Variants in VRK2 observed in about 807,000 individuals in gnomAD.
VRK2 encodes the protein VRK serine/threonine kinase 2, also known as serine/threonine-protein kinase VRK2.
A neutral mutation model predicts 57.6 loss-of-function variants in VRK2; 60 were observed. The observed-to-expected ratio is 1.04, with a 90% CI of 0.85 to 1.29. The LOEUF is 1.29. VRK2 is among the 50% of genes most tolerant of loss of function. VRK2 has a pLI of 0.00. For missense variants in VRK2, 705 were observed against 588.1 expected, an observed-to-expected ratio of 1.20 and a Z score of -2.06; for synonymous variants, 231 against 199.2, an observed-to-expected ratio of 1.16 and a Z score of -1.35.
chr2:58,037,579 T>G (rs1197097190), intron 3 of VRK2, among the ~76,000 whole-genome samples: 1 of 152,104 alleles, frequency 6.6e-6, no homozygotes, highest in Non-Finnish European at 1.5e-5. Flanking sequence ...TTCATAAAAG[T>G]GTTTTAAAAG....
At chr2:58,061,959 C>T (rs1209095278) in intron 2 of VRK2, among the ~76,000 whole-genome samples, 3 of 151,986 alleles carry the variant, frequency 2.0e-5, no homozygotes, top group African/African-American at 4.8e-5. Context: ...TTCAGGCTTA[C>T]CTTGTCTTAT....
At chr2:58,135,263 G>T (rs1004439639) in intron 10 of VRK2, 64 bp downstream of exon 10, 3 of 1,587,822 alleles carry the variant, frequency 1.9e-6, no homozygotes, top group African/African-American at 2.7e-5. Context: ...TGTCGTTATC[G>T]TTTGGTAGCT....
At chr2:57,945,640 CA>C (rs61512539) in intron 1 of VRK2, among the ~76,000 whole-genome samples, 14,114 of 152,146 alleles carry the variant, frequency 0.093, 697 homozygotes, top group East Asian at 0.17. Flanking sequence ...ACTTTCTGCT[CA>C]AAATTGACCC....
chr2:58,127,034 T>C (rs981004700), intron 8 of VRK2, among the ~76,000 whole-genome samples: 11 of 152,120 alleles, frequency 7.2e-5, no homozygotes, highest in Non-Finnish European at 1.5e-5. Context: ...CTGTAATACC[T>C]ATCTTAATTT....
intron 7 of VRK2, among the ~76,000 whole-genome samples, chr2:58,110,497 G>A (rs1483209098): frequency 6.6e-6 from 1 of 152,114 alleles, no homozygotes; most frequent in African/African-American, 2.4e-5. Flanking sequence ...AAAAATATAT[G>A]TAGCCTCACA....
At chr2:58,151,456 T>C (rs962625594) in intron 12 of VRK2, among the ~76,000 whole-genome samples, 3 of 151,754 alleles carry the variant, frequency 2.0e-5, no homozygotes, top group African/African-American at 7.2e-5. Context: ...AATCCACTTG[T>C]GTCTTTTTAT....
rs1684822669 is a variant in VRK2, at chr2:58,159,817, T to A, written c.*124T>A. 1 of 1,611,790 alleles carries A rather than the reference T, an allele frequency of 6.2e-7. No individual in the cohort carries two copies. The highest frequency in any genetic ancestry group is 1.3e-5 in the African/African-American group (1 of 74,820). On this transcript the variant is annotated 3_prime_UTR_variant, in exon 13 of 13. Transcript: ENST00000340157. The stretch of plus-strand genomic sequence containing the variant: ...GGTAATTGGCTTTAAAAAGAGAACA[T>A]ATTTTAACAAAGTTTGTGGACACTC...
At chr2:58,004,281 T>C (rs1163905445) in intron 1 of VRK2, among the ~76,000 whole-genome samples, 2 of 152,130 alleles carry the variant, frequency 1.3e-5, no homozygotes, top group Non-Finnish European at 2.9e-5. Flanking sequence ...CTTGAAGCCA[T>C]AGAGGTACTA....
At position 58,159,558 on chromosome 2, in the gene VRK2, A is replaced by C. The variant is rs562772305; in HGVS notation, c.1392A>C (p.Leu464Phe). The C allele has an allele frequency of 6.2e-7, 1 of 1,613,864 alleles. No homozygotes were observed. Among genetic ancestry groups the C allele is most frequent in the South Asian group, 1.1e-5 (1 of 91,074 alleles). ...CAGTCAGCACGGGGATCACAGACTT[A>C]GAAAGTTCAACTGGACTTTGGCCTA... ...TSTVSTGITD[L>F]ESSTGLWPTI... Residue 464 changes from leucine (L) to phenylalanine (F), a missense_variant, in exon 13 of 13, where the codon TTA (leucine) becomes TTC (phenylalanine). By Grantham distance (22) the Leu-to-Phe change is conservative (BLOSUM62 0). Transcript: ENST00000340157.
chr2:58,141,199 G>A (rs1014887776), intron 11 of VRK2, among the ~76,000 whole-genome samples: 29 of 151,870 alleles, frequency 1.9e-4, no homozygotes, highest in Non-Finnish European at 2.4e-4. Context: ...TAGTATTTTC[G>A]TTGCAATAAT....
At chr2:57,973,391 C>T (rs559801422) in intron 1 of VRK2, among the ~76,000 whole-genome samples, 1 of 151,816 alleles carries the variant, frequency 6.6e-6, no homozygotes, top group South Asian at 2.1e-4. Flanking sequence ...TAATAAGAAA[C>T]AGATTATAAT....
chr2:58,070,140 A>G (rs1669180363), intron 2 of VRK2, among the ~76,000 whole-genome samples: 1 of 152,194 alleles, frequency 6.6e-6, no homozygotes, highest in South Asian at 2.1e-4. Context: ...TTATTAAACA[A>G]TATTGATACA....
Position 57,960,540 on chromosome 2 carries a change from T to G in VRK2, c.-439+52701T>G, listed in dbSNP as rs536704250. On this transcript the variant is annotated intron_variant, in intron 1 of 15. Transcript: ENST00000417641. Reference sequence around the variant, plus strand: ...ATTCACATTCACATTAGCAACATTTTTAATGTGTATCATTTCAATTAATTC... The same window carrying G: ...ATTCACATTCACATTAGCAACATTTGTAATGTGTATCATTTCAATTAATTC... Among the ~76,000 whole-genome samples, 36 of 152,362 alleles carry G rather than the reference T, an allele frequency of 2.4e-4. No individual in the cohort carries two copies. In the South Asian group the frequency reaches 4.6e-3, roughly 19 times the overall value.
chr2:58,122,972 G>T, intron 7 of VRK2, 129 bp from the exon 8 acceptor site: 1 of 1,160,240 alleles, frequency 8.6e-7, no homozygotes, highest in Non-Finnish European at 1.1e-6. Context: ...TTATCCTAAG[G>T]CACCATTTGG....
Position 58,092,973 on chromosome 2 carries a change from T to C in VRK2, c.543+3250T>C, listed in dbSNP as rs1008413946. On this transcript the variant is annotated intron_variant, in intron 7 of 12. Coordinates refer to ENST00000340157, the MANE Select transcript of VRK2 (RefSeq NM_006296.7). ...ATGATGGTTTCCAGCTTCATCCATG[T>C]CCCTACAAAGGACATGAACTCATCC... is the stretch of plus-strand genomic sequence containing the variant. Among the ~76,000 whole-genome samples the C allele has an allele frequency of 2.0e-5, 3 of 152,190 alleles. No homozygotes were observed. In the South Asian group the frequency reaches 6.2e-4, roughly 32 times the overall value.
chr2:58,140,864 A>G (rs1305969685), intron 11 of VRK2, among the ~76,000 whole-genome samples: 1 of 152,088 alleles, frequency 6.6e-6, no homozygotes, highest in African/African-American at 2.4e-5. Flanking sequence ...GTAGGCCTGC[A>G]TAGTAATCAT....
At chr2:58,149,406 C>G (rs773404246) in intron 12 of VRK2, among the ~76,000 whole-genome samples, 2 of 151,504 alleles carry the variant, frequency 1.3e-5, no homozygotes, top group Non-Finnish European at 3.0e-5. Flanking sequence ...TCTAAATGTA[C>G]TTATTAGTTC....
At chr2:58,051,628 A>G (rs1234524507) in intron 2 of VRK2, among the ~76,000 whole-genome samples, 1 of 152,216 alleles carries the variant, frequency 6.6e-6, no homozygotes, top group Non-Finnish European at 1.5e-5. Context: ...CTCTTTCAGC[A>G]GACACTTGAT....
intron 1 of VRK2, among the ~76,000 whole-genome samples, chr2:57,971,348 C>T (rs1672092997): frequency 6.6e-6 from 1 of 151,906 alleles, no homozygotes; most frequent in Non-Finnish European, 1.5e-5. Flanking sequence ...ATATACAATT[C>T]AAGACTTCCA....
Sources: allele counts gnomAD v4.1 joint callset (sites outside exome capture counted in the v4.1 genomes callset), GRCh38; gene constraint gnomAD v4.1.1; transcripts MANE v1.5; gene names NCBI Gene and HGNC (gene_info 2026-07-23, HGNC 2026-07-21).